Variants in SLC19A2 observed in about 807,000 individuals in gnomAD.
The protein encoded by SLC19A2 is solute carrier family 19 member 2, also known as thiamine transporter 1.
A neutral mutation model predicts 44.7 loss-of-function variants in SLC19A2; 27 were observed. That is an observed-to-expected ratio of 0.60 (90% confidence interval 0.45 to 0.83). The LOEUF (loss-of-function observed/expected upper bound fraction) is 0.83, where lower values mean the gene tolerates loss of function less well. Ranked by LOEUF, SLC19A2 falls within the 40% of genes least tolerant of loss-of-function variation. The pLI, the probability that SLC19A2 is intolerant of heterozygous loss-of-function variation, is 0.00. For missense variants in SLC19A2, 566 were observed against 613.7 expected (o/e 0.92, Z 0.82); for synonymous variants, 239 against 243.6 (o/e 0.98, Z 0.18).
intron 1 of SLC19A2, among the ~76,000 whole-genome samples, chr1:169,479,423 A>G (rs1342408153): frequency 1.3e-5 from 2 of 152,226 alleles, no homozygotes; most frequent in Non-Finnish European, 2.9e-5. Flanking sequence ...AACCAGAAAG[A>G]CCCCAACAGG....
At chr1:169,476,316 G>A (rs538559881) in intron 2 of SLC19A2, among the ~76,000 whole-genome samples, 9 of 152,088 alleles carry the variant, frequency 5.9e-5, no homozygotes, top group South Asian at 4.2e-4. Flanking sequence ...TGATCTCTTC[G>A]TCTGTATTAT....
intron 1 of SLC19A2, among the ~76,000 whole-genome samples, chr1:169,483,129 A>C (rs1291086560): frequency 6.6e-6 from 1 of 152,194 alleles, no homozygotes; most frequent in Non-Finnish European, 1.5e-5. Flanking sequence ...ATCTAAGAAA[A>C]AAACTTTTGA....
At position 169,477,468 on chromosome 1, in the gene SLC19A2, G is replaced by C. The variant is rs779817065; in HGVS notation, c.494C>G (p.Thr165Ser). The C allele has an allele frequency of 1.1e-5, 18 of 1,614,148 alleles. No homozygotes were observed. Among genetic ancestry groups the C allele is most frequent in the Non-Finnish European group, 7.6e-6 (9 of 1,180,032 alleles). Residue 165 changes from threonine to serine, a missense_variant, in exon 2 of 6, where the codon ACT becomes AGT. Physicochemically the swap from Thr to Ser is moderately conservative, Grantham distance 58. Transcript: ENST00000236137. Reference protein sequence around the residue: ...QKVTSYCRSATLVGFTVGSVL... With the variant: ...QKVTSYCRSASLVGFTVGSVL... Reference sequence around the variant, plus strand: ...AGAGCCCACTGTAAAGCCCACCAAAGTGGCACTTCGACAGTAACTTGTGAC... The same window carrying C: ...AGAGCCCACTGTAAAGCCCACCAAACTGGCACTTCGACAGTAACTTGTGAC...
intron 1 of SLC19A2, among the ~76,000 whole-genome samples, chr1:169,478,963 T>G (rs1016873291): frequency 6.6e-6 from 1 of 152,016 alleles, no homozygotes; most frequent in Non-Finnish European, 1.5e-5. Context: ...AGATATTTTC[T>G]AAAAACTTCC....
chr1:169,485,072 T>C (rs959245396), intron 1 of SLC19A2, among the ~76,000 whole-genome samples: 22 of 152,190 alleles, frequency 1.4e-4, no homozygotes, highest in Non-Finnish European at 2.8e-4. Flanking sequence ...AGCCCACCCA[T>C]TCTGCCAAAT....
Position 169,468,182 on chromosome 1 carries a change from G to A in SLC19A2, c.1294C>T (p.Leu432=), listed in dbSNP as rs369961479. The A allele has an allele frequency of 3.4e-5, 55 of 1,613,666 alleles. No homozygotes were observed. Among genetic ancestry groups the A allele is most frequent in the Admixed American group, 8.3e-5 (5 of 59,988 alleles). The change falls in exon 5 of 6, where the codon CTG becomes TTG. Residue 432 remains leucine, a synonymous_variant. Coordinates refer to ENST00000236137, the MANE Select transcript of SLC19A2 (RefSeq NM_006996.3). ...AGAGTGAGCAGCGTCTGCAGTGCCA[G>A]GGCAATGAAGGTATTTACACCAAAT... ...LVFGVNTFIA[L]ALQTLLTLIV...
intron 1 of SLC19A2, among the ~76,000 whole-genome samples, chr1:169,478,644 G>T (rs914306929): frequency 6.7e-6 from 1 of 150,102 alleles, no homozygotes; most frequent in African/African-American, 2.5e-5. Context: ...AAACTGCTGG[G>T]ATTACAGACA....
intron 2 of SLC19A2, among the ~76,000 whole-genome samples, chr1:169,471,705 T>C (rs1475647445): frequency 1.4e-5 from 2 of 144,996 alleles, no homozygotes; most frequent in African/African-American, 2.6e-5. Context: ...TGTGTATATA[T>C]ACACACACAC....
chr1:169,478,703 G>C (rs552401241), intron 1 of SLC19A2, among the ~76,000 whole-genome samples: 2 of 151,578 alleles, frequency 1.3e-5, no homozygotes, highest in Non-Finnish European at 2.9e-5. Flanking sequence ...TGATCTATAT[G>C]CATCAGTTTC....
At chr1:169,471,698 G>GTGTGTGTGTGTA (rs1553212202) in intron 2 of SLC19A2, among the ~76,000 whole-genome samples, 52 of 146,974 alleles carry the variant, frequency 3.5e-4, no homozygotes, top group Middle Eastern at 6.9e-3. Flanking sequence ...GTGTGTGTGT[G>GTGTGTGTGTGTA]TATATATACA....
At position 169,468,763 on chromosome 1, in the gene SLC19A2, G is replaced by C; in HGVS notation, c.1104C>G (p.Leu368=). ...CTGCAGCAGCAATCAGGAGAGAAAA[G>C]AGAGATAATGTCATTTCTCCCCAAG... ...WSTWGEMTLS[L]FSLLIAAAVY... is the part of the protein sequence containing the mutation. The change falls in exon 4 of 6, where the codon CTC becomes CTG. Residue 368 remains leucine (L), a synonymous_variant. Transcript: ENST00000236137. 6.2e-7 allele frequency: 1 copy of C among 1,613,862 alleles called. No homozygotes were observed. The highest frequency in any genetic ancestry group is 8.5e-7 in the Non-Finnish European group (1 of 1,179,870).
In SLC19A2 at chr1:169,464,598, TTTAAAATA is replaced by T. The variant is rs1657945438; in HGVS notation, c.*1243_*1250del. The T allele has an allele frequency of 6.6e-6, 1 of 152,464 alleles. No homozygotes were observed. Among genetic ancestry groups the T allele is most frequent in the East Asian group, 1.9e-4 (1 of 5,200 alleles). The allele number at this position is 152,464 out of a possible 1,614,324, so 9.4% of individuals were successfully genotyped here. On this transcript the variant is annotated 3_prime_UTR_variant, in exon 6 of 6. Coordinates refer to ENST00000236137, the MANE Select transcript of SLC19A2 (RefSeq NM_006996.3). Reference sequence around the variant, plus strand: ...TTCAAGATAAGGCAACAAAGTCAGCTTTAAAATAGTTTTCATGTCTGACATATACTAGC... The same window carrying T: ...TTCAAGATAAGGCAACAAAGTCAGCTGTTTTCATGTCTGACATATACTAGC...
intron 1 of SLC19A2, 89 bp downstream of exon 1, chr1:169,485,474 C>G: frequency 7.1e-7 from 1 of 1,401,198 alleles, no homozygotes; most frequent in East Asian, 2.5e-5. Flanking sequence ...GAGAATGGCT[C>G]GAGCGCTTTT....
rs1658342879 is a variant in SLC19A2, at chr1:169,477,265, G to T, written c.697C>A (p.Gln233Lys). ...TCQRVNGIKVQNGGIVTDTPA... is the reference protein window; with the variant it reads ...TCQRVNGIKVKNGGIVTDTPA... ...GTGTCAGTAACAATGCCACCATTTT[G>T]TACCTTGATGCCATTCACTCTCTGG... Residue 233 changes from glutamine to lysine, a missense_variant, in exon 2 of 6, where the codon CAA (glutamine) becomes AAA (lysine). Physicochemically the swap from Gln to Lys is moderately conservative, Grantham distance 53. Transcript: ENST00000236137. 2 of 1,614,054 alleles carry T rather than the reference G, an allele frequency of 1.2e-6. No individual in the cohort carries two copies. Among genetic ancestry groups the T allele is most frequent in the African/African-American group, 1.3e-5 (1 of 74,926 alleles).
intron 1 of SLC19A2, among the ~76,000 whole-genome samples, chr1:169,478,561 T>G (rs1444777648): frequency 3.2e-4 from 39 of 122,930 alleles, no homozygotes; most frequent in Admixed American, 3.0e-4. Flanking sequence ...TTGGTAGAGA[T>G]AGGGTTTCAC....
In SLC19A2 at chr1:169,477,146, T is replaced by C. The variant is rs146985121; in HGVS notation, c.807+9A>G. Reference sequence around the variant, plus strand: ...GTAGCAATTACAAGATATTTAAGGCTGAGCTTACCGGTTCCTCCACGGGAG... The same window carrying C: ...GTAGCAATTACAAGATATTTAAGGCCGAGCTTACCGGTTCCTCCACGGGAG... On this transcript the variant is annotated intron_variant, in intron 2 of 5. Coordinates refer to ENST00000236137, the MANE Select transcript of SLC19A2 (RefSeq NM_006996.3). 1.2e-6 allele frequency: 2 copies of C among 1,613,278 alleles called. No homozygotes were observed. Among genetic ancestry groups the C allele is most frequent in the Middle Eastern group, 1.8e-4 (1 of 5,490 alleles).
At chr1:169,482,982 A>G (rs141135410) in intron 1 of SLC19A2, among the ~76,000 whole-genome samples, 8 of 152,370 alleles carry the variant, frequency 5.3e-5, no homozygotes, top group African/African-American at 1.9e-4. Context: ...TACAATGATG[A>G]AAGGATAAAA....
At chr1:169,484,976 A>T (rs1356568834) in intron 1 of SLC19A2, among the ~76,000 whole-genome samples, 2 of 152,134 alleles carry the variant, frequency 1.3e-5, no homozygotes, top group African/African-American at 4.8e-5. Context: ...AGAGAGGGGC[A>T]GGATATCCTT....
At chr1:169,470,824 C>G (rs1016289279) in intron 2 of SLC19A2, among the ~76,000 whole-genome samples, 2 of 152,062 alleles carry the variant, frequency 1.3e-5, no homozygotes, top group Non-Finnish European at 2.9e-5. Context: ...CGCACTATCC[C>G]AAGAAGTCAA....
Sources: allele counts gnomAD v4.1 joint callset (sites outside exome capture counted in the v4.1 genomes callset), GRCh38; gene constraint gnomAD v4.1.1; transcripts MANE v1.5; gene names NCBI Gene and HGNC (gene_info 2026-07-23, HGNC 2026-07-21).